Variants in PPFIA1 observed in about 807,000 individuals in gnomAD.
PPFIA1 encodes the protein liprin-alpha-1.
In PPFIA1, 25 loss-of-function variants were observed where a neutral mutation model predicts 149.9. That is an observed-to-expected ratio of 0.17 (90% CI 0.12 to 0.23). The LOEUF (loss-of-function observed/expected upper bound fraction) is 0.23. Among genes scored for constraint, PPFIA1 ranks in the 10% least tolerant of loss-of-function variants. PPFIA1 has a pLI of 1.00. For missense variants in PPFIA1, 1,362 were observed against 1,506.5 expected (o/e 0.90, Z 1.59); for synonymous variants, 549 against 552.8 (o/e 0.99, Z 0.10).
chr11:70,302,468 G>A (rs1208278333), intron 2 of PPFIA1, among the ~76,000 whole-genome samples: 1 of 152,206 alleles, frequency 6.6e-6, no homozygotes, highest in Non-Finnish European at 1.5e-5. Flanking sequence ...GGCAGAGGGA[G>A]CACACTGCGG....
intron 24 of PPFIA1, chr11:70,375,322 A>G (rs926052513): frequency 5.6e-6 from 2 of 356,130 alleles, no homozygotes; most frequent in East Asian, 4.4e-5. Flanking sequence ...ATTCCAGCCC[A>G]TGTGCCTGAT....
chr11:70,355,569 G>A lies in PPFIA1; in HGVS notation c.2316-70G>A. On this transcript the variant is annotated intron_variant, in intron 17 of 27. Coordinates refer to ENST00000253925, the MANE Select transcript of PPFIA1 (RefSeq NM_003626.5). ...AGAGACTGGAAGTGCTTGTAGGGAA[G>A]TTTGCGACTGTTAATATGTGAAGTA... 2.1e-6 allele frequency: 3 copies of A among 1,424,518 alleles called. No homozygotes were observed. The South Asian group carries it at 4.2e-5, about 20-fold the overall frequency. The allele number at this position is 1,424,518 out of a possible 1,614,324, so 88.2% of individuals were successfully genotyped here.
At chr11:70,332,384 A>T (rs2054719094) in intron 9 of PPFIA1, among the ~76,000 whole-genome samples, 1 of 152,182 alleles carries the variant, frequency 6.6e-6, no homozygotes, top group Admixed American at 6.5e-5. Flanking sequence ...GCTTAAGCAT[A>T]GGATAGAAGT....
At chr11:70,341,444 C>T (rs747843148) in intron 14 of PPFIA1, among the ~76,000 whole-genome samples, 1 of 152,088 alleles carries the variant, frequency 6.6e-6, no homozygotes, top group Non-Finnish European at 1.5e-5. Flanking sequence ...TGGGCTTGAA[C>T]AGCCGGAAGG....
In PPFIA1 at chr11:70,343,818, C is replaced by A; in HGVS notation, c.1857C>A (p.Pro619=). Residue 619 remains proline (P), a synonymous_variant, in exon 15 of 28, where the codon CCC becomes CCA. Coordinates refer to ENST00000253925, the MANE Select transcript of PPFIA1 (RefSeq NM_003626.5). ...TCAGCTCAGTTGACCTGCTATCGCCCAGCGGGCAGGCCGACGCGCACACAC... is the reference window on the plus strand; with the variant it reads ...TCAGCTCAGTTGACCTGCTATCGCCAAGCGGGCAGGCCGACGCGCACACAC... ...TLLSSVDLLS[P]SGQADAHTLA... 1 of 1,614,166 alleles carries A rather than the reference C, an allele frequency of 6.2e-7. No homozygotes were observed. Among genetic ancestry groups the A allele is most frequent in the Non-Finnish European group, 8.5e-7 (1 of 1,180,034 alleles).
At chr11:70,333,686 T>G (rs2054806353) in intron 10 of PPFIA1, 133 bp downstream of exon 10, 2 of 711,260 alleles carry the variant, frequency 2.8e-6, no homozygotes, top group Non-Finnish European at 5.0e-6. Flanking sequence ...CGCGTGCATT[T>G]GTTTTGCACC....
intron 2 of PPFIA1, among the ~76,000 whole-genome samples, chr11:70,281,639 CTGT>C (rs2050765325): frequency 6.6e-6 from 1 of 152,188 alleles, no homozygotes; most frequent in Non-Finnish European, 1.5e-5. Context: ...TTCTAGAGCT[CTGT>C]AGCCTCTACT....
chr11:70,340,335 G>A (rs938669040), intron 14 of PPFIA1, among the ~76,000 whole-genome samples: 1 of 152,052 alleles, frequency 6.6e-6, no homozygotes. Context: ...GCTATTCTTG[G>A]GGCTGGGGTA....
chr11:70,342,464 A>G (rs79998703), intron 14 of PPFIA1, among the ~76,000 whole-genome samples: 2,204 of 152,296 alleles, frequency 0.014, 52 homozygotes, highest in African/African-American at 0.051. Flanking sequence ...CTGCATTCTG[A>G]TGACATACAT....
chr11:70,319,433 A>AC (rs1271888300), intron 2 of PPFIA1, among the ~76,000 whole-genome samples: 1 of 152,196 alleles, frequency 6.6e-6, no homozygotes, highest in Non-Finnish European at 1.5e-5. Context: ...ATCCTTACTT[A>AC]GGCTCTTTCT....
chr11:70,310,751 C>T (rs2053212639), intron 2 of PPFIA1, among the ~76,000 whole-genome samples: 1 of 152,152 alleles, frequency 6.6e-6, no homozygotes, highest in African/African-American at 2.4e-5. Flanking sequence ...AAACCCCACT[C>T]TGTTTTTGTT....
At chr11:70,275,498 T>A (rs67433166) in intron 2 of PPFIA1, among the ~76,000 whole-genome samples, 32,921 of 151,940 alleles carry the variant, frequency 0.22, 5,387 homozygotes, top group African/African-American at 0.46. Flanking sequence ...GTTTAAGAAA[T>A]TTGCTTGGTC....
In PPFIA1 at chr11:70,348,460, A is replaced by G. The variant is rs758465764; in HGVS notation, c.2163+40A>G. 3 of 1,482,306 alleles carry G rather than the reference A, an allele frequency of 2.0e-6. No homozygotes were observed. In the African/African-American group the frequency reaches 4.2e-5, roughly 21 times the overall value. 91.8% of individuals were successfully genotyped at this position (1,482,306 alleles called of 1,614,324 possible). A position where few individuals can be genotyped will look rare whatever the true frequency, so the allele number is the denominator to read the frequency against. Reference sequence around the variant, plus strand: ...TTTCCCTGCTGTGGCTGCCCTCAGCATACCTGTATGAAATCTTGGACACTA... The same window carrying G: ...TTTCCCTGCTGTGGCTGCCCTCAGCGTACCTGTATGAAATCTTGGACACTA... On this transcript the variant is annotated intron_variant, in intron 16 of 27. Transcript: ENST00000253925.
intron 15 of PPFIA1, among the ~76,000 whole-genome samples, chr11:70,347,286 T>C (rs1186375400): frequency 6.6e-6 from 1 of 152,210 alleles, no homozygotes; most frequent in Non-Finnish European, 1.5e-5. Context: ...TAGGAAAAAT[T>C]GCCATCCAGC....
chr11:70,308,165 C>T (rs1280545305), intron 2 of PPFIA1, among the ~76,000 whole-genome samples: 1 of 152,234 alleles, frequency 6.6e-6, no homozygotes, highest in Non-Finnish European at 1.5e-5. Flanking sequence ...TCTCCTCTGT[C>T]AGCCTCCTGA....
rs776719992 is a variant in PPFIA1, at chr11:70,332,057, A to T, written c.1175A>T (p.Glu392Val). The T allele has an allele frequency of 6.2e-7, 1 of 1,611,964 alleles. No individual in the cohort carries two copies. Among genetic ancestry groups the T allele is most frequent in the South Asian group, 1.1e-5 (1 of 90,892 alleles). The change falls in exon 9 of 28, where the codon GAG (glutamate) becomes GTG (valine). Residue 392 changes from glutamate (E) to valine (V), a missense_variant. Glu to Val is a moderately radical substitution (Grantham distance 121). Coordinates refer to ENST00000253925, the MANE Select transcript of PPFIA1 (RefSeq NM_003626.5). ...LRKAETLPEV[E>V]AELAQRVAAL... ...AAGGCAGAGACGCTCCCGGAGGTGGAGGCGGAGCTGGCCCAGAGGGTGGCA... is the reference window on the plus strand; with the variant it reads ...AAGGCAGAGACGCTCCCGGAGGTGGTGGCGGAGCTGGCCCAGAGGGTGGCA...
chr11:70,365,292 G>T (rs1420486370), intron 21 of PPFIA1: 1 of 429,426 alleles, frequency 2.3e-6, no homozygotes, highest in African/African-American at 2.0e-5. Flanking sequence ...CTCTGTGCCT[G>T]TGGCTTATGC....
intron 2 of PPFIA1, among the ~76,000 whole-genome samples, chr11:70,273,132 G>A (rs936659970): frequency 2.0e-5 from 3 of 152,304 alleles, no homozygotes; most frequent in South Asian, 4.1e-4. Context: ...ACAAAAATTA[G>A]CAGAGCGTGG....
chr11:70,350,102 A>G (rs1259927027), intron 16 of PPFIA1: 2 of 349,052 alleles, frequency 5.7e-6, no homozygotes, highest in East Asian at 9.7e-5. Flanking sequence ...GACTTTATTA[A>G]TGGGTTGTTT....
Sources: allele counts gnomAD v4.1 joint callset (sites outside exome capture counted in the v4.1 genomes callset), GRCh38; gene constraint gnomAD v4.1.1; transcripts MANE v1.5; gene names NCBI Gene and HGNC (gene_info 2026-07-23, HGNC 2026-07-21).